Variants in PURG observed in about 807,000 individuals in gnomAD.
PURG encodes purine-rich element-binding protein gamma.
PURG carries 3 observed loss-of-function variants against 24.3 expected under a neutral mutation model. That is an observed-to-expected ratio of 0.12 (90% confidence interval 0.06 to 0.32). PURG has a LOEUF of 0.32. Among genes scored for constraint, PURG ranks in the 10% least tolerant of loss-of-function variants. PURG has a pLI of 1.00. For synonymous variants in PURG, 180 were observed against 173.1 expected, an observed-to-expected ratio of 1.04 and a Z score of -0.31; for missense variants, 371 against 439.1, an observed-to-expected ratio of 0.84 and a Z score of 1.39.
At chr8:31,009,369 T>C (rs1810721623) in intron 1 of PURG, among the ~76,000 whole-genome samples, 1 of 152,112 alleles carries the variant, frequency 6.6e-6, no homozygotes, top group Non-Finnish European at 1.5e-5. Flanking sequence ...GAGGTTGCAG[T>C]GAGCTGAGAT....
chr8:31,002,155 A>T (rs1810549255), intron 1 of PURG, among the ~76,000 whole-genome samples: 1 of 152,216 alleles, frequency 6.6e-6, no homozygotes, highest in East Asian at 1.9e-4. Flanking sequence ...GGATCTGGGG[A>T]CTACTAGTTC....
chr8:31,016,042 G>A (rs887427588), intron 1 of PURG, among the ~76,000 whole-genome samples: 1 of 152,054 alleles, frequency 6.6e-6, no homozygotes, highest in African/African-American at 2.4e-5. Flanking sequence ...GACAGAACAA[G>A]ACCCTGTCTC....
intron 1 of PURG, among the ~76,000 whole-genome samples, chr8:31,020,442 A>G (rs1156434511): frequency 6.6e-6 from 1 of 152,214 alleles, no homozygotes; most frequent in Non-Finnish European, 1.5e-5. Context: ...AGGTAGAGAA[A>G]TTGTTCACTT....
At chr8:31,005,309 T>C (rs749679577) in intron 1 of PURG, among the ~76,000 whole-genome samples, 3 of 151,982 alleles carry the variant, frequency 2.0e-5, no homozygotes, top group Non-Finnish European at 4.4e-5. Flanking sequence ...GGCATGTGCC[T>C]GTAGTCCCAG....
chr8:31,009,363 T>C (rs1810721343), intron 1 of PURG, among the ~76,000 whole-genome samples: 1 of 151,978 alleles, frequency 6.6e-6, no homozygotes, highest in Non-Finnish European at 1.5e-5. Flanking sequence ...GAGGTGGAGG[T>C]TGCAGTGAGC....
At chr8:31,014,882 T>C (rs1217880095) in intron 1 of PURG, among the ~76,000 whole-genome samples, 1 of 152,166 alleles carries the variant, frequency 6.6e-6, no homozygotes, top group Non-Finnish European at 1.5e-5. Context: ...TCAAGAGGAA[T>C]AAAGGCTTAC....
chr8:31,019,080 C>T (rs1275559142), intron 1 of PURG, among the ~76,000 whole-genome samples: 3 of 112,292 alleles, frequency 2.7e-5, no homozygotes, highest in African/African-American at 3.5e-5. Flanking sequence ...GCCGAGATCG[C>T]GCCACTGCAC....
intron 1 of PURG, among the ~76,000 whole-genome samples, chr8:31,005,408 G>A (rs1260235279): frequency 6.6e-6 from 1 of 151,310 alleles, no homozygotes; most frequent in African/African-American, 2.4e-5. Flanking sequence ...ACTCCAGCCT[G>A]GGTAACAGAG....
At chr8:31,007,761 T>C (rs1011809795) in intron 1 of PURG, among the ~76,000 whole-genome samples, 7 of 152,152 alleles carry the variant, frequency 4.6e-5, no homozygotes, top group Non-Finnish European at 1.0e-4. Context: ...TACTAGGAAG[T>C]AGGTGAATGT....
At chr8:31,016,145 C>G (rs1411389870) in intron 1 of PURG, among the ~76,000 whole-genome samples, 1 of 152,094 alleles carries the variant, frequency 6.6e-6, no homozygotes, top group South Asian at 2.1e-4. Context: ...TTTGGGAGGC[C>G]AAGGCGGGCA....
chr8:31,017,577 G>T (rs1350565161), intron 1 of PURG, among the ~76,000 whole-genome samples: 1 of 152,022 alleles, frequency 6.6e-6, no homozygotes, highest in Non-Finnish European at 1.5e-5. Flanking sequence ...GCTACTATTT[G>T]CCCACTTGAA....
chr8:31,028,645 T>G (rs1047610005), downstream of PURG, among the ~76,000 whole-genome samples: 1 of 151,864 alleles, frequency 6.6e-6, no homozygotes, highest in African/African-American at 2.4e-5. Flanking sequence ...CATGGCAGTC[T>G]GGGGCTTTAA....
At chr8:31,023,527 A>G (rs1050616529) in intron 1 of PURG, among the ~76,000 whole-genome samples, 1 of 151,370 alleles carries the variant, frequency 6.6e-6, no homozygotes, top group African/African-American at 2.4e-5. Context: ...CCTGGGCGAT[A>G]GAGTGAGACT....
chr8:31,022,339 T>C (rs964717363), intron 1 of PURG, among the ~76,000 whole-genome samples: 15 of 152,216 alleles, frequency 9.9e-5, no homozygotes, highest in African/African-American at 3.4e-4. Flanking sequence ...GCACTGTGTA[T>C]TGAAAAGCTG....
intron 1 of PURG, among the ~76,000 whole-genome samples, chr8:31,023,585 A>T (rs1254749118): frequency 2.6e-5 from 4 of 151,796 alleles, no homozygotes; most frequent in Non-Finnish European, 5.9e-5. Context: ...AAATAAAATA[A>T]ATGCTTCTAA....
At chr8:31,027,513 C>T (rs1811113427), downstream of PURG, among the ~76,000 whole-genome samples, 1 of 151,674 alleles carries the variant, frequency 6.6e-6, no homozygotes, top group African/African-American at 2.4e-5. Context: ...CATACATCAG[C>T]TTTCAATGGT....
At chr8:31,001,717 C>T (rs1810540056) in intron 1 of PURG, among the ~76,000 whole-genome samples, 1 of 152,124 alleles carries the variant, frequency 6.6e-6, no homozygotes, top group African/African-American at 2.4e-5. Flanking sequence ...TACCACTAAC[C>T]CCCACAAAAA....
chr8:31,024,878 C>T (rs2737319), intron 1 of PURG, among the ~76,000 whole-genome samples: 142,878 of 152,002 alleles, frequency 0.94, 67,710 homozygotes, highest in East Asian at 1. Flanking sequence ...CACTTTTCAT[C>T]AGGGACAATT....
chr8:31,018,142 T>A (rs533019628), intron 1 of PURG, among the ~76,000 whole-genome samples: 3 of 152,312 alleles, frequency 2.0e-5, no homozygotes, highest in Non-Finnish European at 4.4e-5. Context: ...TTCATGAAAA[T>A]TTAAAACCTA....
Sources: allele counts gnomAD v4.1 joint callset (sites outside exome capture counted in the v4.1 genomes callset), GRCh38; gene constraint gnomAD v4.1.1; transcripts MANE v1.5; gene names NCBI Gene and HGNC (gene_info 2026-07-23, HGNC 2026-07-21).